SNTG1: variants seen among roughly 807,000 people sequenced by gnomAD.
The protein encoded by SNTG1 is gamma-1-syntrophin.
SNTG1 carries 39 observed loss-of-function variants against 74.7 expected under a neutral mutation model. That is an observed-to-expected ratio of 0.52 (90% CI 0.40 to 0.68). The LOEUF (loss-of-function observed/expected upper bound fraction) is 0.68, where lower values mean the gene tolerates loss of function less well. Among genes scored for constraint, SNTG1 ranks in the 30% least tolerant of loss-of-function variants. SNTG1 has a pLI of 0.00. For synonymous variants in SNTG1, 254 were observed against 217.1 expected, an observed-to-expected ratio of 1.17 and a Z score of -1.49; for missense variants, 685 against 609.5, an observed-to-expected ratio of 1.12 and a Z score of -1.30.
intron 1 of SNTG1, among the ~76,000 whole-genome samples, chr8:50,050,809 AACT>A (rs1819504986): frequency 6.6e-6 from 1 of 152,084 alleles, no homozygotes; most frequent in East Asian, 1.9e-4. Context: ...GGAATCCAGA[AACT>A]TATTTATCCC....
In SNTG1 at chr8:50,490,911, G is replaced by A. The variant is rs568991368; in HGVS notation, c.364-11867G>A. ...CTGCTTCTGGCACTGCAGATAGAGT[G>A]GTAGCATATAATGTATAATCAACGA... is the stretch of plus-strand genomic sequence containing the variant. On this transcript the variant is annotated intron_variant, in intron 8 of 18. Transcript: ENST00000642720. The A allele has an allele frequency of 8.7e-4, 133 of 153,202 alleles. 2 individuals are homozygous for A. Among genetic ancestry groups the A allele is most frequent in the Middle Eastern group, 6.8e-3 (2 of 296 alleles). 9.5% of individuals were successfully genotyped at this position (153,202 alleles called of 1,614,324 possible).
intron 4 of SNTG1, among the ~76,000 whole-genome samples, chr8:50,405,970 C>CT (rs2092870143): frequency 6.6e-6 from 1 of 151,906 alleles, no homozygotes; most frequent in African/African-American, 2.4e-5. Context: ...ACAGTTATGC[C>CT]TTTTGTTTGT....
At chr8:50,668,224 T>A (rs1029665120) in intron 15 of SNTG1, among the ~76,000 whole-genome samples, 1 of 152,016 alleles carries the variant, frequency 6.6e-6, no homozygotes, top group Non-Finnish European at 1.5e-5. Context: ...TTTTATCACA[T>A]ATCCTTTTGT....
intron 8 of SNTG1, among the ~76,000 whole-genome samples, chr8:50,454,558 G>A (rs1366780147): frequency 1.3e-5 from 2 of 148,876 alleles, no homozygotes; most frequent in African/African-American, 5.0e-5. Context: ...GAGTGGCTGG[G>A]TGGCAGGGCG....
intron 2 of SNTG1, among the ~76,000 whole-genome samples, chr8:50,305,687 T>A (rs2089861986): frequency 1.3e-5 from 2 of 152,020 alleles, no homozygotes; most frequent in South Asian, 2.1e-4. Flanking sequence ...TAATACCTTT[T>A]TATTTAGTTT....
chr8:49,986,280 T>C (rs529087200), intron 1 of SNTG1, among the ~76,000 whole-genome samples: 3 of 152,196 alleles, frequency 2.0e-5, no homozygotes, highest in South Asian at 4.1e-4. Flanking sequence ...TGATAAAGGA[T>C]CTAATTGGGT....
intron 2 of SNTG1, among the ~76,000 whole-genome samples, chr8:50,326,513 A>G (rs1422339393): frequency 1.3e-5 from 2 of 151,698 alleles, no homozygotes; most frequent in Non-Finnish European, 2.9e-5. Context: ...TTATTCCTTT[A>G]ATTTCCATGT....
In SNTG1 at chr8:50,034,151, G is replaced by A. The variant is rs573060465; in HGVS notation, c.-103+121920G>A. Among the ~76,000 whole-genome samples, 6 of 152,236 alleles carry A rather than the reference G, an allele frequency of 3.9e-5. No individual in the cohort carries two copies. In the East Asian group the frequency reaches 1.2e-3, roughly 29 times the overall value. Reference sequence around the variant, plus strand: ...TCAGGCACATTTCTCTCAGGATCTGGACTTTGGAAAAAATGAGGGTGCTCT... The same window carrying A: ...TCAGGCACATTTCTCTCAGGATCTGAACTTTGGAAAAAATGAGGGTGCTCT... On this transcript the variant is annotated intron_variant, in intron 1 of 18. Coordinates refer to ENST00000642720, the MANE Select transcript of SNTG1 (RefSeq NM_018967.5).
At chr8:50,172,783 A>AG (rs2082855539) in intron 2 of SNTG1, 148 bp downstream of exon 2, 1 of 139,974 alleles carries the variant, frequency 7.1e-6, no homozygotes, top group African/African-American at 2.7e-5. Flanking sequence ...TGACAAAAAA[A>AG]AAAAACAAAA....
chr8:50,107,851 A>G (rs1340350784), intron 1 of SNTG1, among the ~76,000 whole-genome samples: 2 of 152,122 alleles, frequency 1.3e-5, no homozygotes, highest in Admixed American at 6.6e-5. Flanking sequence ...ATGCCTGGCT[A>G]GAAATCAAGA....
chr8:50,421,792 C>T (rs909618506), intron 4 of SNTG1, among the ~76,000 whole-genome samples: 3 of 152,134 alleles, frequency 2.0e-5, no homozygotes, highest in African/African-American at 4.8e-5. Flanking sequence ...TACAGACTTA[C>T]TTAATTAATG....
At chr8:50,170,644 A>AAGT (rs1201178756) in intron 1 of SNTG1, among the ~76,000 whole-genome samples, 2 of 152,306 alleles carry the variant, frequency 1.3e-5, no homozygotes, top group African/African-American at 4.8e-5. Context: ...CCATAGCCAG[A>AAGT]AGTGCAGGCA....
In SNTG1 at chr8:50,278,128, G is replaced by A. The variant is rs182915643; in HGVS notation, c.-28+105493G>A. Among the ~76,000 whole-genome samples the A allele has an allele frequency of 1.1e-4, 17 of 151,938 alleles. No homozygotes were observed. In the East Asian group the frequency reaches 1.9e-3, roughly 17 times the overall value. ...GCAGAGGTTGCAATGAGCCAAGATC[G>A]CACCATTGCACTCTAGTCTGGCCAC... On this transcript the variant is annotated intron_variant, in intron 2 of 18. Coordinates refer to ENST00000642720, the MANE Select transcript of SNTG1 (RefSeq NM_018967.5).
intron 1 of SNTG1, among the ~76,000 whole-genome samples, chr8:49,972,950 G>C (rs1811839260): frequency 6.6e-6 from 1 of 152,204 alleles, no homozygotes; most frequent in Admixed American, 6.5e-5. Context: ...GTGGAAGTTG[G>C]TGTGGCGATT....
chr8:50,303,140 T>C (rs2089724354), intron 2 of SNTG1, among the ~76,000 whole-genome samples: 2 of 152,174 alleles, frequency 1.3e-5, no homozygotes, highest in African/African-American at 4.8e-5. Flanking sequence ...AATACGTTAG[T>C]AGCATTTCTA....
intron 1 of SNTG1, among the ~76,000 whole-genome samples, chr8:49,969,128 G>A (rs1400151778): frequency 6.6e-6 from 1 of 152,162 alleles, no homozygotes; most frequent in African/African-American, 2.4e-5. Flanking sequence ...TGGCTTGTAT[G>A]TGTGCTGCTT....
At chr8:50,139,357 T>C (rs915887018) in intron 1 of SNTG1, among the ~76,000 whole-genome samples, 16 of 152,240 alleles carry the variant, frequency 1.1e-4, no homozygotes, top group African/African-American at 3.4e-4. Flanking sequence ...ATGCATAATT[T>C]CTAAATATGA....
chr8:50,446,695 CA>C (rs2093411316), intron 5 of SNTG1, among the ~76,000 whole-genome samples: 1 of 151,944 alleles, frequency 6.6e-6, no homozygotes, highest in Non-Finnish European at 1.5e-5. Flanking sequence ...AAAATAAAAA[CA>C]GAAAACCAAA....
chr8:50,127,704 A>G (rs1445211974), intron 1 of SNTG1, among the ~76,000 whole-genome samples: 1 of 152,186 alleles, frequency 6.6e-6, no homozygotes, highest in African/African-American at 2.4e-5. Context: ...TTCATTTCAG[A>G]ATTTCCAAAC....
Sources: allele counts gnomAD v4.1 joint callset (sites outside exome capture counted in the v4.1 genomes callset), GRCh38; gene constraint gnomAD v4.1.1; transcripts MANE v1.5; gene names NCBI Gene and HGNC (gene_info 2026-07-23, HGNC 2026-07-21).